The following GRXCR1 variants were observed in gnomAD, a reference collection of about 807,000 sequenced individuals.
GRXCR1 encodes glutaredoxin and cysteine rich domain containing 1, also known as glutaredoxin domain-containing cysteine-rich protein 1.
Under a neutral mutation model 27.3 loss-of-function variants are expected in GRXCR1, and 27 were observed. That is an observed-to-expected ratio of 0.99 (90% confidence interval 0.73 to 1.37). The LOEUF is 1.37. Ranked by LOEUF, GRXCR1 falls within the 40% of genes most tolerant of loss-of-function variation. The pLI is 0.00. For synonymous variants in GRXCR1, 122 were observed against 131.1 expected (o/e 0.93, Z 0.47); for missense variants, 379 against 354.4 (o/e 1.07, Z -0.56).
chr4:42,974,274 C>A (rs945178437), intron 2 of GRXCR1, among the ~76,000 whole-genome samples: 5 of 152,070 alleles, frequency 3.3e-5, no homozygotes, highest in Admixed American at 2.6e-4. Flanking sequence ...AAACTGCATT[C>A]TTTGATGAGT....
Position 42,893,480 on chromosome 4 carries a change from GAGAATGAGA to G in GRXCR1, c.216_224del (p.Glu72_Asn75delinsAsp). 10 of 1,613,908 alleles carry G rather than the reference GAGAATGAGA, an allele frequency of 6.2e-6. No individual in the cohort carries two copies. The highest frequency in any genetic ancestry group is 8.5e-6 in the Non-Finnish European group (10 of 1,179,856). Reference sequence around the variant, plus strand: ...TGGCCACATAGAGTCAGAAGGTGATGAGAATGAGAATGACCAGGATAGCTTGCTGGTGTT... The same window carrying G: ...TGGCCACATAGAGTCAGAAGGTGATGATGACCAGGATAGCTTGCTGGTGTT... On this transcript the variant is annotated inframe_deletion, in exon 1 of 4. Coordinates refer to ENST00000399770, the MANE Select transcript of GRXCR1 (RefSeq NM_001080476.3).
Position 42,898,703 on chromosome 4 carries a change from A to G in GRXCR1, c.384+5053A>G, listed in dbSNP as rs138913224. The stretch of plus-strand genomic sequence containing the variant: ...CAACAACCCTGTGAGGTATATTACT[A>G]TTAATCAATTAATTATCAATTAATT... On this transcript the variant is annotated intron_variant, in intron 1 of 3. Transcript: ENST00000399770. Among the ~76,000 whole-genome samples the G allele has an allele frequency of 5.1e-3, 769 of 152,200 alleles. 11 individuals carry two copies. The highest frequency in any genetic ancestry group is 0.017 in the African/African-American group (715 of 41,570).
intron 2 of GRXCR1, among the ~76,000 whole-genome samples, chr4:43,016,815 C>A (rs1483076131): frequency 1.3e-5 from 2 of 152,174 alleles, no homozygotes; most frequent in South Asian, 2.1e-4. Flanking sequence ...GTTTTTCTGG[C>A]AATCTTAGTT....
chr4:42,994,162 G>A (rs1367998879), intron 2 of GRXCR1, among the ~76,000 whole-genome samples: 4 of 152,110 alleles, frequency 2.6e-5, no homozygotes, highest in Non-Finnish European at 4.4e-5. Context: ...CAGTCAGTTC[G>A]TGTTGTATCA....
At chr4:42,898,309 A>C (rs1194034739) in intron 1 of GRXCR1, among the ~76,000 whole-genome samples, 1 of 151,760 alleles carries the variant, frequency 6.6e-6, no homozygotes, top group African/African-American at 2.4e-5. Flanking sequence ...TTCAGCTTTG[A>C]ATTGTATTTT....
intron 2 of GRXCR1, among the ~76,000 whole-genome samples, chr4:42,984,377 C>T (rs559036526): frequency 6.6e-6 from 1 of 152,310 alleles, no homozygotes; most frequent in East Asian, 1.9e-4. Flanking sequence ...TCCGGCAGTT[C>T]ATCTATCTTC....
chr4:42,980,174 T>C (rs915403699), intron 2 of GRXCR1, among the ~76,000 whole-genome samples: 2 of 152,006 alleles, frequency 1.3e-5, no homozygotes, highest in African/African-American at 4.8e-5. Context: ...TTTTCTTCAT[T>C]CTACTATCTT....
chr4:42,986,426 T>A (rs765870997), intron 2 of GRXCR1, among the ~76,000 whole-genome samples: 1 of 152,150 alleles, frequency 6.6e-6, no homozygotes, highest in Non-Finnish European at 1.5e-5. Context: ...CCTTTGACTT[T>A]CAGCACCTCT....
At chr4:42,933,679 C>T (rs1269507500) in intron 1 of GRXCR1, among the ~76,000 whole-genome samples, 1 of 151,814 alleles carries the variant, frequency 6.6e-6, no homozygotes, top group East Asian at 1.9e-4. Flanking sequence ...AAAAGAGACC[C>T]CAGAGCACAG....
intron 1 of GRXCR1, among the ~76,000 whole-genome samples, chr4:42,937,432 G>A (rs1370050503): frequency 1.3e-5 from 2 of 151,824 alleles, no homozygotes; most frequent in Non-Finnish European, 1.5e-5. Context: ...ATATCTGGGA[G>A]CCAAGAGAGC....
chr4:43,005,010 T>C (rs1399228899), intron 2 of GRXCR1, among the ~76,000 whole-genome samples: 1 of 152,178 alleles, frequency 6.6e-6, no homozygotes, highest in African/African-American at 2.4e-5. Context: ...TATCAAATTG[T>C]AATCCCCACA....
At chr4:43,029,491 A>G (rs1428515724) in intron 3 of GRXCR1, among the ~76,000 whole-genome samples, 1 of 152,178 alleles carries the variant, frequency 6.6e-6, no homozygotes, top group East Asian at 1.9e-4. Context: ...AATGGCACCT[A>G]ATCTCCCCTA....
intron 2 of GRXCR1, among the ~76,000 whole-genome samples, chr4:43,014,543 C>G (rs1712870538): frequency 6.6e-6 from 1 of 152,120 alleles, no homozygotes; most frequent in African/African-American, 2.4e-5. Flanking sequence ...GCTCCTGGTC[C>G]TCATCAGAGA....
intron 1 of GRXCR1, among the ~76,000 whole-genome samples, chr4:42,897,689 C>T (rs1169480126): frequency 3.3e-5 from 5 of 151,950 alleles, no homozygotes; most frequent in Admixed American, 3.3e-4. Context: ...CAAAGTATAC[C>T]TCAAATTTAA....
At chr4:42,902,261 A>T (rs1226827731) in intron 1 of GRXCR1, among the ~76,000 whole-genome samples, 2 of 152,184 alleles carry the variant, frequency 1.3e-5, no homozygotes, top group Non-Finnish European at 2.9e-5. Context: ...ATTATACATC[A>T]ATAAAGTTAA....
intron 2 of GRXCR1, among the ~76,000 whole-genome samples, chr4:43,013,573 C>T (rs1712832153): frequency 6.6e-6 from 1 of 152,162 alleles, no homozygotes; most frequent in South Asian, 2.1e-4. Flanking sequence ...CCCCAAACTT[C>T]AGCATCATGC....
At chr4:43,024,747 G>A (rs1302425177) in intron 3 of GRXCR1, among the ~76,000 whole-genome samples, 2 of 152,116 alleles carry the variant, frequency 1.3e-5, no homozygotes, top group East Asian at 1.9e-4. Flanking sequence ...GCAGAGGGGT[G>A]TTTAGTAGGC....
intron 1 of GRXCR1, among the ~76,000 whole-genome samples, chr4:42,899,650 G>A (rs930125702): frequency 2.0e-5 from 3 of 152,082 alleles, no homozygotes; most frequent in African/African-American, 7.2e-5. Context: ...TCTGTATAAT[G>A]ACTTTTATCT....
At chr4:42,981,091 T>C (rs1748654254) in intron 2 of GRXCR1, among the ~76,000 whole-genome samples, 1 of 151,882 alleles carries the variant, frequency 6.6e-6, no homozygotes, top group East Asian at 1.9e-4. Flanking sequence ...TTTATAGATC[T>C]TTTCTCTCTT....
Sources: allele counts gnomAD v4.1 joint callset (sites outside exome capture counted in the v4.1 genomes callset), GRCh38; gene constraint gnomAD v4.1.1; transcripts MANE v1.5; gene names NCBI Gene and HGNC (gene_info 2026-07-23, HGNC 2026-07-21).